The following RMND1 variants were observed in gnomAD, a reference collection of about 807,000 sequenced individuals.
RMND1 encodes required for meiotic nuclear division protein 1 homolog.
Under a neutral mutation model 54.0 loss-of-function variants are expected in RMND1, and 41 were observed. That is an observed-to-expected ratio of 0.76 (90% CI 0.59 to 0.98). The LOEUF (loss-of-function observed/expected upper bound fraction) is 0.98, where lower values mean the gene tolerates loss of function less well. Ranked by LOEUF, RMND1 falls within the 50% of genes least tolerant of loss-of-function variation. The pLI is 0.00. For missense variants in RMND1, 457 were observed against 532.0 expected, an observed-to-expected ratio of 0.86 and a Z score of 1.39; for synonymous variants, 183 against 181.7, an observed-to-expected ratio of 1.01 and a Z score of -0.06.
At chr6:151,421,424 A>G (rs748825766) in intron 8 of RMND1, 103 bp from the exon 9 acceptor site, 33 of 704,532 alleles carry the variant, frequency 4.7e-5, no homozygotes, top group African/African-American at 1.8e-5. Context: ...TTTGGATCCT[A>G]TGTAAATATT....
At chr6:151,435,870 C>G (rs1236470532) in intron 3 of RMND1, among the ~76,000 whole-genome samples, 3 of 149,920 alleles carry the variant, frequency 2.0e-5, no homozygotes, top group Admixed American at 2.0e-4. Flanking sequence ...TTTGGGAGGC[C>G]GAGGCGGGAG....
chr6:151,430,394 A>G (rs1257815125), intron 4 of RMND1, among the ~76,000 whole-genome samples: 1 of 152,192 alleles, frequency 6.6e-6, no homozygotes, highest in Non-Finnish European at 1.5e-5. Context: ...AAAATTTATG[A>G]TTTCTCACAT....
chr6:151,423,702 C>A (rs1377159807), intron 6 of RMND1, 71 bp from the exon 7 acceptor site: 4 of 1,007,492 alleles, frequency 4.0e-6, no homozygotes, highest in East Asian at 4.8e-5. Flanking sequence ...GAAAAAGACA[C>A]CATATCATCT....
At chr6:151,448,082 T>C (rs1183127540) in intron 1 of RMND1, among the ~76,000 whole-genome samples, 1 of 152,056 alleles carries the variant, frequency 6.6e-6, no homozygotes, top group African/African-American at 2.4e-5. Context: ...TCCTAAAGTG[T>C]TGGGATTACA....
intron 3 of RMND1, chr6:151,436,125 A>AC (rs949397385): frequency 2.0e-5 from 4 of 198,636 alleles, no homozygotes; most frequent in African/African-American, 7.1e-5. Context: ...AAAAAAAAAA[A>AC]ACACAAAACA....
intron 3 of RMND1, 56 bp from the exon 4 acceptor site, chr6:151,433,286 G>A: frequency 8.7e-7 from 1 of 1,144,670 alleles, no homozygotes; most frequent in East Asian, 2.4e-5. Flanking sequence ...CAAGTTGTAA[G>A]AGTCACCTAT....
chr6:151,415,051 A>G (rs1320758464), intron 10 of RMND1, among the ~76,000 whole-genome samples: 1 of 96,866 alleles, frequency 1.0e-5, no homozygotes, highest in Non-Finnish European at 1.9e-5. Flanking sequence ...AAGTTCTTGA[A>G]AAAAAAAAAC....
At chr6:151,443,227 C>A (rs1429553202) in intron 2 of RMND1, among the ~76,000 whole-genome samples, 1 of 152,140 alleles carries the variant, frequency 6.6e-6, no homozygotes, top group Non-Finnish European at 1.5e-5. Flanking sequence ...CCTAGTCATG[C>A]CAAGACTGCT....
chr6:151,449,178 C>T (rs973067547), intron 1 of RMND1, among the ~76,000 whole-genome samples: 1 of 151,466 alleles, frequency 6.6e-6, no homozygotes, highest in African/African-American at 2.4e-5. Context: ...GCCAGCCTGG[C>T]CAACATGGTG....
At chr6:151,430,928 A>G (rs1418304780) in intron 4 of RMND1, among the ~76,000 whole-genome samples, 8 of 150,788 alleles carry the variant, frequency 5.3e-5, no homozygotes, top group Non-Finnish European at 8.8e-5. Context: ...AGTACTTAGT[A>G]TATGTGTGGG....
chr6:151,407,328 C>T (rs1779660284), intron 10 of RMND1, among the ~76,000 whole-genome samples: 1 of 151,980 alleles, frequency 6.6e-6, no homozygotes, highest in African/African-American at 2.4e-5. Context: ...TCCTCTTGCC[C>T]TTTCTTAATG....
chr6:151,449,662 C>T (rs993905920), intron 1 of RMND1, among the ~76,000 whole-genome samples: 3 of 148,492 alleles, frequency 2.0e-5, no homozygotes, highest in Non-Finnish European at 4.4e-5. Context: ...CCTCTCCCCA[C>T]GGTCCCCCTC....
intron 10 of RMND1, among the ~76,000 whole-genome samples, chr6:151,409,139 TGA>T (rs1221210256): frequency 3.9e-5 from 6 of 152,258 alleles, no homozygotes; most frequent in East Asian, 3.9e-4. Flanking sequence ...GTCTGGAGAC[TGA>T]GAGAGTCAAG....
intron 10 of RMND1, among the ~76,000 whole-genome samples, chr6:151,413,199 G>A (rs1779906795): frequency 1.3e-5 from 2 of 152,192 alleles, no homozygotes; most frequent in Admixed American, 6.5e-5. Context: ...AGAGGACCCA[G>A]CTAAGCTGCA....
chr6:151,421,881 G>A (rs987822320), intron 8 of RMND1, among the ~76,000 whole-genome samples: 3 of 151,896 alleles, frequency 2.0e-5, no homozygotes, highest in African/African-American at 4.8e-5. Context: ...TTGGGAGGCC[G>A]AGGCAGGAGG....
At chr6:151,435,244 C>T (rs1780570290) in intron 3 of RMND1, among the ~76,000 whole-genome samples, 1 of 152,112 alleles carries the variant, frequency 6.6e-6, no homozygotes, top group African/African-American at 2.4e-5. Context: ...CCTCCAGGTT[C>T]AAGCAATTCT....
intron 3 of RMND1, 135 bp from the exon 4 acceptor site, chr6:151,433,365 A>G (rs535385216): frequency 8.0e-5 from 39 of 488,868 alleles, no homozygotes; most frequent in African/African-American, 7.3e-4. Flanking sequence ...CACAATCACC[A>G]TCTTTCTACT....
At position 151,433,235 on chromosome 6, in the gene RMND1, G is replaced by T; in HGVS notation, c.614-5C>A. 1 of 1,604,652 alleles carries T rather than the reference G, an allele frequency of 6.2e-7. No homozygotes were observed. The highest frequency in any genetic ancestry group is 1.1e-5 in the South Asian group (1 of 90,422). ...TCACCAAAATATTTGCTGCATCTGTGATTTAAAATAAACGAACAAAAAAGC... is the reference window on the plus strand; with the variant it reads ...TCACCAAAATATTTGCTGCATCTGTTATTTAAAATAAACGAACAAAAAAGC... On this transcript the variant is annotated splice_polypyrimidine_tract_variant and splice_region_variant and intron_variant, in intron 3 of 11. Transcript: ENST00000444024.
chr6:151,410,872 G>T (rs955576684), intron 10 of RMND1, among the ~76,000 whole-genome samples: 13 of 152,078 alleles, frequency 8.5e-5, no homozygotes, highest in Non-Finnish European at 1.8e-4. Context: ...TAGCTTCTTT[G>T]TAGATTCTTC....
Sources: allele counts gnomAD v4.1 joint callset (sites outside exome capture counted in the v4.1 genomes callset), GRCh38; gene constraint gnomAD v4.1.1; transcripts MANE v1.5; gene names NCBI Gene and HGNC (gene_info 2026-07-23, HGNC 2026-07-21).